Variants in ADAMTS6 observed in about 807,000 individuals in gnomAD.
ADAMTS6 encodes A disintegrin and metalloproteinase with thrombospondin motifs 6.
In ADAMTS6, 23 loss-of-function variants were observed where a neutral mutation model predicts 144.3. That is an observed-to-expected ratio of 0.16 (90% CI 0.11 to 0.23). The LOEUF is 0.23. Ranked by LOEUF, ADAMTS6 falls within the 10% of genes least tolerant of loss-of-function variation. The probability of loss-of-function intolerance (pLI) is 1.00; values close to 1 mark genes in which losing one functional copy is unlikely to be tolerated. For missense variants in ADAMTS6, 999 were observed against 1,379.6 expected (o/e 0.72, Z 4.37); for synonymous variants, 444 against 457.5 (o/e 0.97, Z 0.38).
Position 65,217,963 on chromosome 5 carries a change from C to CA in ADAMTS6, c.2273-2477dup, listed in dbSNP as rs1470417536. On this transcript the variant is annotated intron_variant, in intron 18 of 24. Coordinates refer to ENST00000381055, the MANE Select transcript of ADAMTS6 (RefSeq NM_197941.4). ...AGAACTGTGCAGAGACCATGATCTC[C>CA]ACAACTTTCTGCTTGGAGACACTTT... 2.6e-5 allele frequency among the ~76,000 whole-genome samples: 4 copies of CA among 152,216 alleles called. No individual in the cohort carries two copies. The Middle Eastern group carries it at 0.014, about 518-fold the overall frequency.
intron 7 of ADAMTS6, among the ~76,000 whole-genome samples, chr5:65,422,645 T>A (rs10805397): frequency 0.48 from 43,341 of 90,498 alleles, 7,933 homozygotes; most frequent in East Asian, 0.69. Context: ...AATAAAAAAA[T>A]TAAAAAATTA....
At chr5:65,165,953 C>G (rs1753117521) in intron 24 of ADAMTS6, among the ~76,000 whole-genome samples, 1 of 150,228 alleles carries the variant, frequency 6.7e-6, no homozygotes, top group Admixed American at 6.7e-5. Flanking sequence ...ACCATCGAGA[C>G]TAGGAAGAAA....
At chr5:65,466,646 A>G (rs188259154) in intron 3 of ADAMTS6, among the ~76,000 whole-genome samples, 24 of 152,338 alleles carry the variant, frequency 1.6e-4, no homozygotes, top group Admixed American at 1.6e-3. Flanking sequence ...TATGGACATG[A>G]CTAAATGAAC....
At chr5:65,399,858 C>T (rs6877709) in intron 7 of ADAMTS6, among the ~76,000 whole-genome samples, 23 of 152,086 alleles carry the variant, frequency 1.5e-4, no homozygotes, top group African/African-American at 5.3e-4. Flanking sequence ...TTCAATGATG[C>T]TCTTCAATTA....
At chr5:65,253,445 G>T (rs6888666) in intron 14 of ADAMTS6, among the ~76,000 whole-genome samples, 3 of 152,040 alleles carry the variant, frequency 2.0e-5, no homozygotes, top group Admixed American at 6.5e-5. Flanking sequence ...AACGCTTATG[G>T]ATTGTTATCT....
chr5:65,180,762 T>C (rs1754298963), intron 22 of ADAMTS6, among the ~76,000 whole-genome samples: 1 of 152,168 alleles, frequency 6.6e-6, no homozygotes, highest in South Asian at 2.1e-4. Context: ...TCAAACTCTA[T>C]ATATGCTTAG....
chr5:65,200,048 TAG>T (rs1755633844), intron 20 of ADAMTS6, among the ~76,000 whole-genome samples: 1 of 152,204 alleles, frequency 6.6e-6, no homozygotes, highest in African/African-American at 2.4e-5. Context: ...AATTTTCTTC[TAG>T]AATGTTATAT....
At chr5:65,406,055 A>G (rs1455242928) in intron 7 of ADAMTS6, among the ~76,000 whole-genome samples, 3 of 152,132 alleles carry the variant, frequency 2.0e-5, no homozygotes, top group Non-Finnish European at 4.4e-5. Context: ...GGCTGAGACG[A>G]TGGGGTTTTC....
At chr5:65,183,303 C>A (rs1754472032) in intron 22 of ADAMTS6, among the ~76,000 whole-genome samples, 1 of 152,030 alleles carries the variant, frequency 6.6e-6, no homozygotes, top group Non-Finnish European at 1.5e-5. Flanking sequence ...GTTTCAGTTG[C>A]CAACAATCAA....
At chr5:65,404,147 C>T (rs777062773) in intron 7 of ADAMTS6, among the ~76,000 whole-genome samples, 15 of 151,746 alleles carry the variant, frequency 9.9e-5, no homozygotes, top group Admixed American at 5.3e-4. Context: ...ATATAATTCA[C>T]TTAGTTTTTT....
chr5:65,466,999 G>C (rs948865548), intron 3 of ADAMTS6, among the ~76,000 whole-genome samples: 2 of 149,220 alleles, frequency 1.3e-5, no homozygotes, highest in African/African-American at 5.0e-5. Context: ...CCAAGATTGC[G>C]CCACTGCACC....
Position 65,172,923 on chromosome 5 carries a change from T to C in ADAMTS6, c.2996A>G (p.Gln999Arg), listed in dbSNP as rs370621133. Residue 999 changes from glutamine to arginine, a missense_variant, in exon 23 of 25, where the codon CAA (glutamine) becomes CGA (arginine). Around this residue, in one of 3 missense-constraint regions of ADAMTS6, gnomAD observed 619 missense variants for 837.0 expected, o/e 0.74. Transcript: ENST00000381055. ...SDLSKTFPAA[Q>R]CPEESKPPVR... is the part of the protein sequence containing the mutation. ...AGGAGGTTTGCTTTCCTCTGGACAT[T>C]GTGCAGCTGGGAATGTCTTAGAAAG... 4 of 1,614,112 alleles carry C rather than the reference T, an allele frequency of 2.5e-6. No homozygotes were observed. The African/African-American group carries it at 5.3e-5, about 22-fold the overall frequency.
chr5:65,246,884 G>A (rs1313657137), intron 14 of ADAMTS6, among the ~76,000 whole-genome samples: 1 of 151,992 alleles, frequency 6.6e-6, no homozygotes, highest in Non-Finnish European at 1.5e-5. Context: ...ATGCTGGTTT[G>A]AAAAAATGAG....
At chr5:65,234,838 C>T (rs1702197775) in intron 15 of ADAMTS6, among the ~76,000 whole-genome samples, 1 of 152,068 alleles carries the variant, frequency 6.6e-6, no homozygotes, top group Non-Finnish European at 1.5e-5. Context: ...TCACATTAGT[C>T]AAGATATGGA....
intron 8 of ADAMTS6, 120 bp from the exon 9 acceptor site, chr5:65,329,603 A>G: frequency 1.3e-6 from 1 of 779,164 alleles, no homozygotes; most frequent in South Asian, 2.8e-5. Flanking sequence ...AGCCGTTGGC[A>G]AAAGGTTAAC....
At chr5:65,459,478 C>T (rs1479151825) in intron 4 of ADAMTS6, among the ~76,000 whole-genome samples, 1 of 152,150 alleles carries the variant, frequency 6.6e-6, no homozygotes, top group Non-Finnish European at 1.5e-5. Context: ...CCCTCCAGCC[C>T]ACATTCTAAT....
At chr5:65,258,430 C>A (rs1760880697) in intron 14 of ADAMTS6, among the ~76,000 whole-genome samples, 1 of 152,102 alleles carries the variant, frequency 6.6e-6, no homozygotes, top group African/African-American at 2.4e-5. Flanking sequence ...GTAATGAAAG[C>A]CAGATTGTGT....
chr5:65,294,458 C>T (rs1055689492), intron 10 of ADAMTS6, among the ~76,000 whole-genome samples: 2 of 152,164 alleles, frequency 1.3e-5, no homozygotes, highest in African/African-American at 4.8e-5. Context: ...GATCTTCCTG[C>T]CTTGGCCTCC....
intron 7 of ADAMTS6, chr5:65,451,246 T>C (rs1758718367): frequency 2.3e-6 from 1 of 429,144 alleles, no homozygotes. Flanking sequence ...GGAGGAAAGT[T>C]ATTTATTAAA....
Sources: gnomAD v4.1 joint callset for allele counts (sites outside exome capture counted in the v4.1 genomes callset) on GRCh38, gnomAD v4.1.1 for gene constraint, gnomAD v4.1.1 regional missense constraint, MANE v1.5 for transcripts, NCBI Gene and HGNC (gene_info 2026-07-23, HGNC 2026-07-21) for gene names.